Variants in CCDC33 observed in about 807,000 individuals in gnomAD.
CCDC33 encodes coiled-coil domain-containing protein 33.
CCDC33 carries 94 observed loss-of-function variants against 91.9 expected under a neutral mutation model. That is an observed-to-expected ratio of 1.02 (90% CI 0.87 to 1.21). The LOEUF (loss-of-function observed/expected upper bound fraction) is 1.21, where lower values mean the gene tolerates loss of function less well. Among genes scored for constraint, CCDC33 ranks in the 50% most tolerant of loss-of-function variants. CCDC33 has a pLI of 0.00. For missense variants in CCDC33, 940 were observed against 935.5 expected (o/e 1.00, Z -0.06); for synonymous variants, 396 against 374.5 (o/e 1.06, Z -0.66).
intron 13 of CCDC33, 108 bp downstream of exon 13, chr15:74,330,859 C>G (rs892224101): frequency 1.9e-5 from 29 of 1,505,730 alleles, no homozygotes; most frequent in Non-Finnish European, 1.1e-5. Context: ...GGAATGGAAG[C>G]ACGGAAGAAA....
At chr15:74,266,581 C>A in intron 3 of CCDC33, 97 bp from the exon 4 acceptor site, 1 of 859,344 alleles carries the variant, frequency 1.2e-6, no homozygotes, top group Non-Finnish European at 1.9e-6. Context: ...CTGCTCCCTA[C>A]TCTCAACAAT....
chr15:74,267,862 C>G (rs1029180753), intron 4 of CCDC33, among the ~76,000 whole-genome samples: 8 of 152,206 alleles, frequency 5.3e-5, no homozygotes, highest in African/African-American at 1.9e-4. Context: ...CTCCTCCGGG[C>G]CAGCACTGAA....
At chr15:74,314,842 T>C (rs2060060539) in intron 11 of CCDC33, among the ~76,000 whole-genome samples, 1 of 152,206 alleles carries the variant, frequency 6.6e-6, no homozygotes, top group African/African-American at 2.4e-5. Flanking sequence ...TGCTCTCACA[T>C]GGCCCATGTG....
intron 9 of CCDC33, among the ~76,000 whole-genome samples, chr15:74,281,469 TTCTC>T (rs1343842838): frequency 2.0e-5 from 3 of 152,258 alleles, no homozygotes; most frequent in African/African-American, 7.2e-5. Flanking sequence ...GTTACCATCA[TTCTC>T]TATTCCTATG....
At chr15:74,295,091 C>T (rs544074642) in intron 10 of CCDC33, among the ~76,000 whole-genome samples, 10 of 152,292 alleles carry the variant, frequency 6.6e-5, no homozygotes, top group Admixed American at 4.6e-4. Flanking sequence ...GTCTACATAG[C>T]AAAGGGTGTC....
chr15:74,303,560 G>C (rs11630295), intron 11 of CCDC33: 72,018 of 152,348 alleles, frequency 0.47, 19,562 homozygotes, highest in Non-Finnish European at 0.61. Context: ...TTCCTGCTGT[G>C]TCCCCTCAGT....
At position 74,330,977 on chromosome 15, in the gene CCDC33, A is replaced by G. The variant is rs762014843; in HGVS notation, c.1546-4A>G. 6.3e-7 allele frequency: 1 copy of G among 1,579,878 alleles called. No homozygotes were observed. ...CTCCCCTTCTCTCCTCCCCCATCTCACAGAAGAATGATCGAGAGAAGGAGC... is the reference window on the plus strand; with the variant it reads ...CTCCCCTTCTCTCCTCCCCCATCTCGCAGAAGAATGATCGAGAGAAGGAGC... On this transcript the variant is annotated splice_polypyrimidine_tract_variant and splice_region_variant and intron_variant, in intron 13 of 18. Transcript: ENST00000398814.
At chr15:74,276,950 GTGTCTGTC>G (rs759521456) in intron 7 of CCDC33, among the ~76,000 whole-genome samples, 8 of 152,172 alleles carry the variant, frequency 5.3e-5, no homozygotes, top group South Asian at 2.1e-4. Flanking sequence ...TTGTGTGTGT[GTGTCTGTC>G]TGTCTGTCTG....
At chr15:74,309,316 A>C (rs1429540901) in intron 11 of CCDC33, among the ~76,000 whole-genome samples, 1 of 151,912 alleles carries the variant, frequency 6.6e-6, no homozygotes, top group Non-Finnish European at 1.5e-5. Flanking sequence ...TTCCCGGCTC[A>C]CTCCACCTTG....
At chr15:74,322,326 G>C (rs1191736573) in intron 11 of CCDC33, among the ~76,000 whole-genome samples, 1 of 152,196 alleles carries the variant, frequency 6.6e-6, no homozygotes, top group Non-Finnish European at 1.5e-5. Context: ...CCAGGGCTGG[G>C]TGGGCCTCGC....
intron 10 of CCDC33, among the ~76,000 whole-genome samples, chr15:74,289,214 G>C (rs373173390): frequency 1.3e-5 from 2 of 152,152 alleles, no homozygotes; most frequent in Non-Finnish European, 2.9e-5. Context: ...ATTTGGTCTC[G>C]CTGCAATTTT....
rs966429327 is a variant in CCDC33 at position 74,209,041 on chromosome 15, G to A, written n.90-347G>A. The A allele has an allele frequency of 6.9e-6, 8 of 1,167,620 alleles. No individual in the cohort carries two copies. In the African/African-American group the frequency reaches 1.3e-4, roughly 19 times the overall value. 72.3% of individuals were successfully genotyped at this position (1,167,620 alleles called of 1,614,324 possible). A position where few individuals can be genotyped will look rare whatever the true frequency, so the allele number is the denominator to read the frequency against. On this transcript the variant is annotated intron_variant and non_coding_transcript_variant, in intron 1 of 3. Transcript: ENST00000558645. ...AAAGGTGTTTGATCTGCTCCTCCCG[G>A]AAGGCAGCTCCCCCCTTCTCCAGTC...
chr15:74,298,103 A>G (rs891536661), intron 11 of CCDC33, among the ~76,000 whole-genome samples: 1 of 152,244 alleles, frequency 6.6e-6, no homozygotes, highest in African/African-American at 2.4e-5. Context: ...CTGCTGGGTA[A>G]AGCATCCAAG....
chr15:74,225,150 G>GTGTGTT (rs1319028562), intron 2 of CCDC33, among the ~76,000 whole-genome samples: 10 of 151,458 alleles, frequency 6.6e-5, no homozygotes, highest in African/African-American at 2.4e-4. Flanking sequence ...GTGTGTGTGT[G>GTGTGTT]TGTGTGACAG....
intron 3 of CCDC33, among the ~76,000 whole-genome samples, chr15:74,266,083 A>G (rs1381388814): frequency 1.3e-5 from 2 of 152,294 alleles, no homozygotes; most frequent in East Asian, 3.9e-4. Flanking sequence ...GTCTCTTTGG[A>G]GGGTGTTTAC....
At chr15:74,230,860 G>T (rs1335786598) in intron 2 of CCDC33, among the ~76,000 whole-genome samples, 1 of 152,210 alleles carries the variant, frequency 6.6e-6, no homozygotes, top group African/African-American at 2.4e-5. Context: ...CAGGGGGTTT[G>T]CCCAAACCCT....
In CCDC33 at chr15:74,236,746, G is replaced by T. The variant is rs2075171147; in HGVS notation, c.21+6G>T. On this transcript the variant is annotated splice_donor_region_variant and intron_variant, in intron 1 of 18. Coordinates refer to ENST00000398814, the MANE Select transcript of CCDC33 (RefSeq NM_025055.5). ...TGGGACTGAAAAACAAAAAGGTAAG[G>T]CCAGGGGCATGGGCCATGCACCTGC... The T allele has an allele frequency of 6.2e-7, 1 of 1,613,720 alleles. No homozygotes were observed. The highest frequency in any genetic ancestry group is 1.3e-5 in the African/African-American group (1 of 74,926).
At chr15:74,219,626 T>C (rs1008942290) in intron 2 of CCDC33, among the ~76,000 whole-genome samples, 8 of 152,160 alleles carry the variant, frequency 5.3e-5, no homozygotes, top group African/African-American at 1.9e-4. Flanking sequence ...GGTGAGGGAT[T>C]GTACATGTCA....
intron 1 of CCDC33, chr15:74,217,698 ACT>A: frequency 1.2e-6 from 1 of 804,686 alleles, no homozygotes; most frequent in Non-Finnish European, 1.7e-6. Context: ...AGAGCTCCAG[ACT>A]GCATCCCAAA....
Sources: gnomAD v4.1 joint callset for allele counts (sites outside exome capture counted in the v4.1 genomes callset) on GRCh38, gnomAD v4.1.1 for gene constraint, MANE v1.5 for transcripts, NCBI Gene and HGNC (gene_info 2026-07-23, HGNC 2026-07-21) for gene names.